Variants in DIRAS2 observed in about 807,000 individuals in gnomAD.
The protein encoded by DIRAS2 is DIRAS family GTPase 2, also known as GTP-binding protein Di-Ras2.
DIRAS2 carries 5 observed loss-of-function variants against 13.9 expected under a neutral mutation model. The ratio of observed to expected loss-of-function variants is 0.36; its 90% CI spans 0.19 to 0.76. The LOEUF (loss-of-function observed/expected upper bound fraction) is 0.76, where lower values mean the gene tolerates loss of function less well. Among genes scored for constraint, DIRAS2 ranks in the 30% least tolerant of loss-of-function variants. The pLI is 0.53. For missense variants in DIRAS2, 191 were observed against 263.0 expected (o/e 0.73, Z 1.89); for synonymous variants, 111 against 105.4 (o/e 1.05, Z -0.33).
Position 90,621,876 on chromosome 9 carries a change from A to C in DIRAS2, c.-36-8013T>G, listed in dbSNP as rs186575133. ...TTACAAGAAAAATAAAGTTTGCATC[A>C]GCATTTAAGATTTCCAGCTATGTTA... On this transcript the variant is annotated intron_variant, in intron 1 of 1. Coordinates refer to ENST00000375765, the MANE Select transcript of DIRAS2 (RefSeq NM_017594.5). 1.4e-4 allele frequency among the ~76,000 whole-genome samples: 22 copies of C among 152,356 alleles called. No individual in the cohort carries two copies. In the East Asian group the frequency reaches 3.3e-3, roughly 23 times the overall value.
At chr9:90,630,332 C>T (rs1057124946) in intron 1 of DIRAS2, among the ~76,000 whole-genome samples, 1 of 152,172 alleles carries the variant, frequency 6.6e-6, no homozygotes, top group Non-Finnish European at 1.5e-5. Flanking sequence ...TTGAAAAACT[C>T]TGCTTAAAAC....
intron 1 of DIRAS2, among the ~76,000 whole-genome samples, chr9:90,627,718 A>G (rs554389751): frequency 1.1e-4 from 16 of 152,358 alleles, no homozygotes; most frequent in African/African-American, 3.8e-4. Flanking sequence ...ATAAAAAGAT[A>G]TGACTGTATG....
In DIRAS2 at chr9:90,639,858, A is replaced by G. The variant is rs139697719; in HGVS notation, c.-37+2894T>C. ...ACATAACTCACAGCAATCTGAGATC[A>G]TTTGTATATTTATTTTTGATAGCGC... On this transcript the variant is annotated intron_variant, in intron 1 of 1. Coordinates refer to ENST00000375765, the MANE Select transcript of DIRAS2 (RefSeq NM_017594.5). Among the ~76,000 whole-genome samples the G allele has an allele frequency of 3.5e-3, 540 of 152,318 alleles. 1 individual carries two copies. The highest frequency in any genetic ancestry group is 5.2e-3 in the Non-Finnish European group (357 of 68,020).
intron 1 of DIRAS2, among the ~76,000 whole-genome samples, chr9:90,634,524 T>C (rs1184423373): frequency 6.6e-6 from 1 of 152,118 alleles, no homozygotes; most frequent in African/African-American, 2.4e-5. Context: ...CAGATGAACA[T>C]CTCAAGGCTA....
intron 1 of DIRAS2, among the ~76,000 whole-genome samples, chr9:90,631,972 A>G (rs145640312): frequency 1.3e-5 from 2 of 152,190 alleles, no homozygotes; most frequent in East Asian, 3.9e-4. Flanking sequence ...GTTCTCTTAT[A>G]CTTCAAGTCC....
chr9:90,620,682 G>A (rs1049373092), intron 1 of DIRAS2, among the ~76,000 whole-genome samples: 3 of 151,714 alleles, frequency 2.0e-5, no homozygotes, highest in African/African-American at 7.3e-5. Flanking sequence ...CTTGAACCCA[G>A]GAGCAGAGAT....
intron 1 of DIRAS2, among the ~76,000 whole-genome samples, chr9:90,619,835 C>G (rs1825203207): frequency 6.6e-6 from 1 of 152,166 alleles, no homozygotes; most frequent in African/African-American, 2.4e-5. Flanking sequence ...AAAATGCAAT[C>G]TACCCATTTC....
intron 1 of DIRAS2, among the ~76,000 whole-genome samples, chr9:90,634,740 T>A (rs950944105): frequency 3.9e-5 from 6 of 152,196 alleles, no homozygotes; most frequent in Non-Finnish European, 7.3e-5. Flanking sequence ...AAGGGAACAT[T>A]TGAACATTCA....
intron 1 of DIRAS2, among the ~76,000 whole-genome samples, chr9:90,635,353 C>T (rs543604717): frequency 6.6e-6 from 1 of 152,268 alleles, no homozygotes; most frequent in East Asian, 1.9e-4. Context: ...GAACAAGGAG[C>T]GCTGGATTCT....
intron 1 of DIRAS2, among the ~76,000 whole-genome samples, chr9:90,619,028 A>T (rs1825194940): frequency 6.6e-6 from 1 of 152,170 alleles, no homozygotes; most frequent in Non-Finnish European, 1.5e-5. Flanking sequence ...AGTCCCAGCT[A>T]CTCAGGAGGC....
At chr9:90,635,903 CAG>C (rs1327519826) in intron 1 of DIRAS2, among the ~76,000 whole-genome samples, 2 of 152,236 alleles carry the variant, frequency 1.3e-5, no homozygotes, top group East Asian at 3.9e-4. Context: ...GTTCCATCTG[CAG>C]TCTCAGGATT....
intron 1 of DIRAS2, among the ~76,000 whole-genome samples, chr9:90,632,355 T>C (rs1825333007): frequency 1.3e-5 from 2 of 152,156 alleles, no homozygotes; most frequent in Non-Finnish European, 1.5e-5. Context: ...TCAGGACCTT[T>C]GCCCTGGTTG....
intron 1 of DIRAS2, among the ~76,000 whole-genome samples, chr9:90,615,280 C>T (rs903841043): frequency 2.0e-5 from 3 of 152,188 alleles, no homozygotes; most frequent in Non-Finnish European, 1.5e-5. Flanking sequence ...CTCATTTTGC[C>T]TCATGCGTCT....
At chr9:90,616,801 C>T (rs1181681567) in intron 1 of DIRAS2, among the ~76,000 whole-genome samples, 1 of 150,782 alleles carries the variant, frequency 6.6e-6, no homozygotes, top group Non-Finnish European at 1.5e-5. Context: ...TCATTTATTT[C>T]ACAAGCATTT....
chr9:90,633,159 C>T (rs1257703103), intron 1 of DIRAS2, among the ~76,000 whole-genome samples: 1 of 152,136 alleles, frequency 6.6e-6, no homozygotes, highest in Non-Finnish European at 1.5e-5. Context: ...CAGAGGGCAG[C>T]CACTGAAGGG....
Position 90,611,920 on chromosome 9 carries a change from G to A in DIRAS2, c.*1308C>T, listed in dbSNP as rs1464361128. The A allele has an allele frequency of 1.3e-5, 2 of 152,184 alleles. No individual in the cohort carries two copies. The highest frequency in any genetic ancestry group is 4.8e-5 in the African/African-American group (2 of 41,432). 9.4% of individuals were successfully genotyped at this position (152,184 alleles called of 1,614,324 possible). ...ATTAAGCTGAGTGGGCTCTTCCCAG[G>A]GCAGAGAAGCCTGCCTGTCTCCAGC... On this transcript the variant is annotated 3_prime_UTR_variant, in exon 2 of 2. Transcript: ENST00000375765.
At chr9:90,641,614 C>A (rs779840013) in intron 1 of DIRAS2, among the ~76,000 whole-genome samples, 9 of 152,158 alleles carry the variant, frequency 5.9e-5, no homozygotes, top group Non-Finnish European at 1.3e-4. Context: ...GATTCCCCTA[C>A]AAATTTGTTA....
At chr9:90,636,147 C>A (rs1022795216) in intron 1 of DIRAS2, among the ~76,000 whole-genome samples, 1 of 132,416 alleles carries the variant, frequency 7.6e-6, no homozygotes, top group African/African-American at 2.6e-5. Flanking sequence ...ACGCCATTCT[C>A]CTGCCTCAGC....
rs1825315959 is a variant in DIRAS2, at chr9:90,630,620, G to C, written c.-37+12132C>G. 2.0e-5 allele frequency among the ~76,000 whole-genome samples: 3 copies of C among 152,184 alleles called. No individual in the cohort carries two copies. In the South Asian group the frequency reaches 6.2e-4, roughly 31 times the overall value. On this transcript the variant is annotated intron_variant, in intron 1 of 1. Transcript: ENST00000375765. ...TTTTCTATCACACAATGGTTTGCTA[G>C]TTACTCTGTAGCAAAACAACAAAAA...
Sources: allele counts gnomAD v4.1 joint callset (sites outside exome capture counted in the v4.1 genomes callset), GRCh38; gene constraint gnomAD v4.1.1; transcripts MANE v1.5; gene names NCBI Gene and HGNC (gene_info 2026-07-23, HGNC 2026-07-21).